Variants in CLCN5 observed in about 807,000 individuals in gnomAD.
CLCN5 encodes H(+)/Cl(-) exchange transporter 5.
In CLCN5, 17 loss-of-function variants were observed where a neutral mutation model predicts 54.0. The observed-to-expected ratio is 0.31, with a 90% CI of 0.22 to 0.47. The LOEUF (loss-of-function observed/expected upper bound fraction) is 0.47, where lower values mean the gene tolerates loss of function less well. CLCN5 is among the 20% of genes least tolerant of loss of function. The pLI is 1.00. For synonymous variants in CLCN5, 222 were observed against 233.0 expected (o/e 0.95, Z 0.43); for missense variants, 448 against 646.7 (o/e 0.69, Z 3.33).
chrX:49,960,216 C>G (rs1569537336), intron 3 of CLCN5, among the ~76,000 whole-genome samples: 1 of 110,959 alleles, frequency 9.0e-6, no homozygotes, highest in Non-Finnish European at 1.9e-5. Context: ...TCTTGTTCCA[C>G]TGCACCTGCC....
chrX:50,066,060 C>T (rs1557190768), intron 4 of CLCN5, among the ~76,000 whole-genome samples: 1 of 102,752 alleles, frequency 9.7e-6, no homozygotes, highest in Non-Finnish European at 2.0e-5. Flanking sequence ...ATACCTAATG[C>T]TAGATGATGA....
At chrX:50,033,356 C>A (rs1192657402) in intron 3 of CLCN5, among the ~76,000 whole-genome samples, 3 of 111,346 alleles carry the variant, frequency 2.7e-5, no homozygotes, top group African/African-American at 9.8e-5. Context: ...AAATCACAAT[C>A]ATTCTTATAC....
chrX:50,009,521 CTT>C (rs372801436), intron 3 of CLCN5, among the ~76,000 whole-genome samples: 10 of 111,888 alleles, frequency 8.9e-5, no homozygotes, highest in African/African-American at 2.9e-4. Context: ...CCACTCATAT[CTT>C]TCATTCTAGT....
At chrX:50,088,628 C>T in intron 11 of CLCN5, 70 bp from the exon 12 acceptor site, 1 of 1,036,718 alleles carries the variant, frequency 9.6e-7, no homozygotes, top group Non-Finnish European at 1.4e-6. Context: ...AGGGTCAGTC[C>T]TCCAGCCCTT....
chrX:49,941,247 A>G (rs1557170848), intron 3 of CLCN5, among the ~76,000 whole-genome samples: 2 of 110,605 alleles, frequency 1.8e-5, no homozygotes, highest in Non-Finnish European at 3.8e-5. Flanking sequence ...GCTTGAACCC[A>G]GGAGGCAGAA....
intron 3 of CLCN5, among the ~76,000 whole-genome samples, chrX:50,001,564 C>T (rs984085504): frequency 3.7e-5 from 4 of 107,268 alleles, no homozygotes; most frequent in African/African-American, 1.4e-4. Context: ...GTGCTGCACC[C>T]GTTAACTTGT....
rs184966813 is a variant in CLCN5, at chrX:50,044,312, C to G, written c.163+1850C>G. ...TGTTTCTGCGAAGGACTGGAGATTT[C>G]ATAGAAAAGATGTTTTGGAGCGAGG... On this transcript the variant is annotated intron_variant, in intron 4 of 14. Coordinates refer to ENST00000376091, the MANE Select transcript of CLCN5 (RefSeq NM_001127898.4). Among the ~76,000 whole-genome samples, 5 of 111,663 alleles carry G rather than the reference C, an allele frequency of 4.5e-5. No homozygotes were observed. In the East Asian group the frequency reaches 1.4e-3, roughly 31 times the overall value.
At chrX:49,925,397 C>A in intron 3 of CLCN5, 83 bp downstream of exon 3, 5 of 918,881 alleles carry the variant, frequency 5.4e-6, no homozygotes, top group Non-Finnish European at 7.9e-6. Context: ...CCCACCCAGC[C>A]AATGGCAGGC....
intron 3 of CLCN5, among the ~76,000 whole-genome samples, chrX:49,953,869 A>G (rs1927180597): frequency 8.9e-6 from 1 of 112,072 alleles, no homozygotes; most frequent in Admixed American, 9.5e-5. Flanking sequence ...AATCCTGTGT[A>G]TTCTCGTTCA....
chrX:49,981,689 G>T (rs1557177710), intron 3 of CLCN5, among the ~76,000 whole-genome samples: 1 of 103,881 alleles, frequency 9.6e-6, no homozygotes, highest in African/African-American at 3.7e-5. Context: ...AGCAGCCATT[G>T]AACCTTTTTT....
chrX:50,066,043 G>T (rs1557190763), intron 4 of CLCN5, among the ~76,000 whole-genome samples: 1 of 103,234 alleles, frequency 9.7e-6, no homozygotes, highest in Non-Finnish European at 2.0e-5. Context: ...GGATAGCATT[G>T]GGAGATATAC....
At chrX:50,040,576 T>G (rs140793221) in intron 3 of CLCN5, among the ~76,000 whole-genome samples, 2 of 112,299 alleles carry the variant, frequency 1.8e-5, no homozygotes, top group East Asian at 5.6e-4. Context: ...TTGTACATAT[T>G]TATGCGGTAC....
At chrX:50,029,059 C>G (rs1931557593) in intron 3 of CLCN5, among the ~76,000 whole-genome samples, 1 of 112,079 alleles carries the variant, frequency 8.9e-6, no homozygotes, top group Non-Finnish European at 1.9e-5. Flanking sequence ...AGCGATTCCT[C>G]AACTATTTAC....
At chrX:50,008,867 G>C (rs1480782047) in intron 3 of CLCN5, 1 of 356,463 alleles carries the variant, frequency 2.8e-6, no homozygotes, top group Non-Finnish European at 5.7e-6. Flanking sequence ...AAATGACACT[G>C]TATATACATG....
chrX:50,018,368 C>T (rs1310977521), intron 3 of CLCN5, among the ~76,000 whole-genome samples: 1 of 111,981 alleles, frequency 8.9e-6, no homozygotes, highest in Non-Finnish European at 1.9e-5. Flanking sequence ...GTTGTTGACT[C>T]TTTGGATTTT....
rs142891064 is a variant in CLCN5 at position 50,018,479 on chromosome X, A to G, written c.17-23837A>G. 5.8e-3 allele frequency among the ~76,000 whole-genome samples: 646 copies of G among 111,843 alleles called. 1 individual carries two copies. Among genetic ancestry groups the G allele is most frequent in the Non-Finnish European group, 9.8e-3 (521 of 53,049 alleles). On this transcript the variant is annotated intron_variant, in intron 3 of 14. Coordinates refer to ENST00000376091, the MANE Select transcript of CLCN5 (RefSeq NM_001127898.4). Reference sequence around the variant, plus strand: ...CTTCCTTGTCTTTTTTGCATTAGCTAGGTCTTTCAGTATGATGTTGAAATG... The same window carrying G: ...CTTCCTTGTCTTTTTTGCATTAGCTGGGTCTTTCAGTATGATGTTGAAATG...
chrX:50,042,674 T>C, intron 4 of CLCN5: 1 of 269,935 alleles, frequency 3.7e-6, no homozygotes, highest in Non-Finnish European at 6.5e-6. Flanking sequence ...CAGACCTCCT[T>C]CCTCCCTAAC....
chrX:50,082,228 A>G (rs1464621439), intron 9 of CLCN5, among the ~76,000 whole-genome samples: 1 of 111,757 alleles, frequency 8.9e-6, no homozygotes, highest in Non-Finnish European at 1.9e-5. Flanking sequence ...TGAGTAATGT[A>G]TATAATATAA....
At chrX:50,068,409 C>G (rs917661666) in intron 4 of CLCN5, among the ~76,000 whole-genome samples, 2 of 111,195 alleles carry the variant, frequency 1.8e-5, no homozygotes, top group Admixed American at 1.9e-4. Context: ...CAGTCAGGTA[C>G]GAATGAAGAT....
Sources: allele counts gnomAD v4.1 joint callset (sites outside exome capture counted in the v4.1 genomes callset), GRCh38; gene constraint gnomAD v4.1.1; transcripts MANE v1.5; gene names NCBI Gene and HGNC (gene_info 2026-07-23, HGNC 2026-07-21).